DPH7: variants seen among roughly 807,000 people sequenced by gnomAD.
The protein encoded by DPH7 is diphthamide biosynthesis 7.
Under a neutral mutation model 41.7 loss-of-function variants are expected in DPH7, and 44 were observed. The observed-to-expected ratio is 1.05, with a 90% CI of 0.83 to 1.36. DPH7 has a LOEUF of 1.36. DPH7 is among the 40% of genes most tolerant of loss of function. DPH7 has a pLI of 0.00. For synonymous variants in DPH7, 275 were observed against 238.0 expected, an observed-to-expected ratio of 1.16 and a Z score of -1.43; for missense variants, 629 against 577.5, an observed-to-expected ratio of 1.09 and a Z score of -0.91.
At chr9:137,574,966 C>G (rs902142797) in intron 3 of DPH7, 123 bp from the exon 4 acceptor site, 2 of 1,501,008 alleles carry the variant, frequency 1.3e-6, no homozygotes, top group Non-Finnish European at 1.8e-6. Context: ...TGAAGTACAT[C>G]AGTCACTGAG....
At chr9:137,561,633 C>T (rs947189235) in intron 8 of DPH7, among the ~76,000 whole-genome samples, 3 of 151,022 alleles carry the variant, frequency 2.0e-5, no homozygotes, top group East Asian at 1.9e-4. Context: ...CGATGCATCA[C>T]GCCACACTGA....
intron 8 of DPH7, among the ~76,000 whole-genome samples, chr9:137,555,988 C>T (rs1053639312): frequency 4.6e-5 from 7 of 152,136 alleles, no homozygotes; most frequent in Admixed American, 4.6e-4. Flanking sequence ...TTTTAGCCAG[C>T]TGGGAAGGAA....
chr9:137,575,349 G>A (rs1841197278), intron 3 of DPH7: 3 of 988,194 alleles, frequency 3.0e-6, no homozygotes, highest in Non-Finnish European at 3.6e-6. Flanking sequence ...TAAACAGCCT[G>A]GCCAGTGCTT....
chr9:137,578,481 A>G, intron 1 of DPH7, 144 bp downstream of exon 1: 2 of 1,048,546 alleles, frequency 1.9e-6, no homozygotes, highest in Non-Finnish European at 2.6e-6. Flanking sequence ...CAATTTTTTT[A>G]AAAAGATTCT....
At chr9:137,564,726 A>G (rs1839267247) in intron 7 of DPH7, 120 bp from the exon 8 acceptor site, 1 of 1,466,488 alleles carries the variant, frequency 6.8e-7, no homozygotes. Context: ...TCGAGGACAA[A>G]GTCCCCTTTA....
chr9:137,577,956 T>C lies in DPH7; in HGVS notation c.154-353A>G, dbSNP rs985617077. ...AGAAGTTAAGATATAATTCCCACTTTCTCTTTACTGTACATTCCACCCATT... is the reference window on the plus strand; with the variant it reads ...AGAAGTTAAGATATAATTCCCACTTCCTCTTTACTGTACATTCCACCCATT... On this transcript the variant is annotated intron_variant, in intron 1 of 8. Coordinates refer to ENST00000277540, the MANE Select transcript of DPH7 (RefSeq NM_138778.5). 10 of 984,588 alleles carry C rather than the reference T, an allele frequency of 1.0e-5. No individual in the cohort carries two copies. In the African/African-American group the frequency reaches 1.6e-4, roughly 15 times the overall value. The allele number at this position is 984,588 out of a possible 1,614,324, so 61.0% of individuals were successfully genotyped here. A position where few individuals can be genotyped will look rare whatever the true frequency, so the allele number is the denominator to read the frequency against.
chr9:137,564,622 C>T lies in DPH7; in HGVS notation c.777-16G>A. ...TTCATCATAGCTGAAACCGACCAAC[C>T]ACAGGAGGCATATAAGGAAAGCCCA... On this transcript the variant is annotated splice_polypyrimidine_tract_variant and intron_variant, in intron 7 of 8. Transcript: ENST00000277540. The T allele has an allele frequency of 1.2e-6, 2 of 1,603,002 alleles. No homozygotes were observed. The highest frequency in any genetic ancestry group is 1.3e-5 in the African/African-American group (1 of 74,850).
rs1012350883 is a variant in DPH7, at chr9:137,556,730, G to A, written c.950-1082C>T. 2.9e-5 allele frequency: 13 copies of A among 442,088 alleles called. No homozygotes were observed. In the East Asian group the frequency reaches 4.2e-4, roughly 14 times the overall value. 27.4% of individuals were successfully genotyped at this position (442,088 alleles called of 1,614,324 possible). ...CCGTTACTGTCCCTTGGGAGGTAGC[G>A]TCACAGGGCAGGCAGGACCTCCGCT... On this transcript the variant is annotated intron_variant, in intron 8 of 8. Coordinates refer to ENST00000277540, the MANE Select transcript of DPH7 (RefSeq NM_138778.5). This position sits in a 1 kb window ranked among gnomAD's most constrained non-coding sequence, Gnocchi z 5.2.
chr9:137,564,412 G>A (rs1017836871), intron 8 of DPH7, 22 bp downstream of exon 8: 1 of 1,600,620 alleles, frequency 6.2e-7, no homozygotes. Flanking sequence ...CTGAGGCCCA[G>A]CAGCCACGGG....
intron 5 of DPH7, among the ~76,000 whole-genome samples, chr9:137,570,343 G>A (rs899922136): frequency 6.6e-6 from 1 of 152,148 alleles, no homozygotes; most frequent in African/African-American, 2.4e-5. Flanking sequence ...TTCTTTATAC[G>A]TGAGTCTCTC....
At chr9:137,561,381 A>C (rs1838554940) in intron 8 of DPH7, among the ~76,000 whole-genome samples, 1 of 151,868 alleles carries the variant, frequency 6.6e-6, no homozygotes, top group South Asian at 2.1e-4. Context: ...CTCCAATAAA[A>C]ATACAAAAAT....
chr9:137,569,770 CATCT>C (rs1840089964), intron 5 of DPH7, among the ~76,000 whole-genome samples: 1 of 149,814 alleles, frequency 6.7e-6, no homozygotes, highest in Admixed American at 6.6e-5. Context: ...ATCCACCATC[CATCT>C]ATCCAGTCAC....
intron 5 of DPH7, among the ~76,000 whole-genome samples, chr9:137,571,193 A>T (rs559218520): frequency 8.8e-5 from 13 of 147,908 alleles, no homozygotes; most frequent in East Asian, 5.9e-4. Flanking sequence ...ATATAAATAA[A>T]TTTTTTTTTT....
chr9:137,577,396 G>T, intron 2 of DPH7, 74 bp downstream of exon 2: 2 of 1,417,218 alleles, frequency 1.4e-6, no homozygotes, highest in South Asian at 1.3e-5. Flanking sequence ...TCTTGTTGAA[G>T]GCATCAGGCA....
In DPH7 at chr9:137,564,924, G is replaced by A; in HGVS notation, c.745C>T (p.Pro249Ser). Residue 249 changes from proline (P) to serine (S), a missense_variant, in exon 7 of 9, where the codon CCT (proline) becomes TCT (serine). Physicochemically the swap from Pro to Ser is moderately conservative, Grantham distance 74. Transcript: ENST00000277540. ...GTGGCCAGGATGTGCTCCCGATGAG[G>A]GCTGCTCTGGATGCTGCACACACCC... is the stretch of plus-strand genomic sequence containing the variant. ...TMGVCSIQSS[P>S]HREHILATGS... The A allele has an allele frequency of 6.3e-7, 1 of 1,596,890 alleles. No individual in the cohort carries two copies.
chr9:137,560,095 C>T (rs1380658552), intron 8 of DPH7, among the ~76,000 whole-genome samples: 3 of 152,204 alleles, frequency 2.0e-5, no homozygotes, highest in Admixed American at 6.5e-5. Flanking sequence ...GTGTGCCCAA[C>T]AGACAATGCT....
chr9:137,574,249 A>T lies in DPH7; in HGVS notation c.599T>A (p.Ile200Asn). The change falls in exon 5 of 9, where the codon ATT becomes AAT. Residue 200 changes from isoleucine (I) to asparagine (N), a missense_variant. Coordinates refer to ENST00000277540, the MANE Select transcript of DPH7 (RefSeq NM_138778.5). ...SWQAHQFEAW[I>N]AAFNYWHPEI... is the part of the protein sequence containing the mutation. The stretch of plus-strand genomic sequence containing the variant: ...TGGATGCCAGTAATTGAAAGCAGCA[A>T]TCCAGGCCTCGAATTGATGTGCCTG... 1 of 1,614,086 alleles carries T rather than the reference A, an allele frequency of 6.2e-7. No individual in the cohort carries two copies. The highest frequency in any genetic ancestry group is 8.5e-7 in the Non-Finnish European group (1 of 1,180,014).
intron 5 of DPH7, among the ~76,000 whole-genome samples, chr9:137,571,347 C>A (rs192208000): frequency 6.6e-6 from 1 of 151,886 alleles, no homozygotes; most frequent in African/African-American, 2.4e-5. Flanking sequence ...CCACCATGCC[C>A]GGCTAATTTT....
intron 8 of DPH7, among the ~76,000 whole-genome samples, chr9:137,562,201 A>G (rs1838746689): frequency 6.6e-6 from 1 of 152,172 alleles, no homozygotes; most frequent in South Asian, 2.1e-4. Flanking sequence ...CAGGAGATTC[A>G]GTAAGGAACC....
Sources: allele counts gnomAD v4.1 joint callset (sites outside exome capture counted in the v4.1 genomes callset), GRCh38; gene constraint gnomAD v4.1.1; non-coding constraint Gnocchi (gnomAD v3.1); transcripts MANE v1.5; gene names NCBI Gene and HGNC (gene_info 2026-07-23, HGNC 2026-07-21).